Variants in FAAH2 observed in about 807,000 individuals in gnomAD.
FAAH2 encodes fatty acid amide hydrolase 2.
A neutral mutation model predicts 36.9 loss-of-function variants in FAAH2; 60 were observed. That is an observed-to-expected ratio of 1.63 (90% CI 1.32 to 2.02). The LOEUF (loss-of-function observed/expected upper bound fraction) is 2.02, where lower values mean the gene tolerates loss of function less well. FAAH2 is among the 30% of genes most tolerant of loss of function. The pLI, the probability that FAAH2 is intolerant of heterozygous loss-of-function variation, is 0.00. For synonymous variants in FAAH2, 214 were observed against 143.8 expected, an observed-to-expected ratio of 1.49 and a Z score of -3.49; for missense variants, 689 against 397.5, an observed-to-expected ratio of 1.73 and a Z score of -6.23.
intron 5 of FAAH2, among the ~76,000 whole-genome samples, chrX:57,352,163 C>A: frequency 1.2e-5 from 1 of 82,450 alleles, no homozygotes; most frequent in African/African-American, 4.9e-5. Flanking sequence ...TATATATACA[C>A]ATATATATAT....
intron 10 of FAAH2, among the ~76,000 whole-genome samples, chrX:57,469,905 G>A (rs1207822989): frequency 8.9e-6 from 1 of 111,885 alleles, no homozygotes; most frequent in Admixed American, 9.5e-5. Flanking sequence ...CTGTCTCTTA[G>A]ATCACAGTGC....
chrX:57,488,202 C>T (rs946408984), intron 10 of FAAH2, among the ~76,000 whole-genome samples: 7 of 111,125 alleles, frequency 6.3e-5, no homozygotes, highest in Non-Finnish European at 9.4e-5. Flanking sequence ...ACATTTGAAA[C>T]GGGGAATCTT....
At chrX:57,131,291 T>C in the FAAH2 span, among the ~76,000 whole-genome samples, 1 of 107,747 alleles carries the variant, frequency 9.3e-6, no homozygotes, top group East Asian at 2.9e-4. Flanking sequence ...TTCACCTTGT[T>C]AGCCAGGATG....
At chrX:57,475,246 G>A (rs759029378) in intron 10 of FAAH2, among the ~76,000 whole-genome samples, 32 of 111,865 alleles carry the variant, frequency 2.9e-4, no homozygotes, top group Middle Eastern at 4.6e-3. Context: ...TGCTCTTGGT[G>A]TTTTATTCAT....
At chrX:57,449,137 A>G (rs965212482) in intron 10 of FAAH2, among the ~76,000 whole-genome samples, 1 of 112,070 alleles carries the variant, frequency 8.9e-6, no homozygotes, top group Non-Finnish European at 1.9e-5. Context: ...TGACTTAGCT[A>G]TCATCCCCTT....
At chrX:57,419,958 G>C (rs527341467) in intron 7 of FAAH2, among the ~76,000 whole-genome samples, 1 of 111,718 alleles carries the variant, frequency 9.0e-6, no homozygotes, top group Non-Finnish European at 1.9e-5. Context: ...TTTCCCAGCA[G>C]CATTTATTAA....
At chrX:57,194,920 C>A in the FAAH2 span, among the ~76,000 whole-genome samples, 3 of 111,166 alleles carry the variant, frequency 2.7e-5, no homozygotes, top group African/African-American at 9.8e-5. Flanking sequence ...TATTTTATTT[C>A]TTTGTATAGC....
At chrX:57,349,787 G>T (rs1445307808) in intron 5 of FAAH2, among the ~76,000 whole-genome samples, 1 of 108,160 alleles carries the variant, frequency 9.2e-6, no homozygotes, top group Non-Finnish European at 1.9e-5. Flanking sequence ...GAATATGAAA[G>T]TTATTAATAT....
the FAAH2 span, among the ~76,000 whole-genome samples, chrX:57,243,456 G>T: frequency 3.6e-5 from 4 of 112,131 alleles, no homozygotes; most frequent in Non-Finnish European, 7.5e-5. Context: ...TGACTGTGAG[G>T]CACCTCTCAG....
intron 5 of FAAH2, among the ~76,000 whole-genome samples, chrX:57,348,779 A>T (rs1419714155): frequency 9.0e-6 from 1 of 110,907 alleles, no homozygotes; most frequent in Admixed American, 9.7e-5. Context: ...AAACACCTTC[A>T]GGAAAAAGTC....
At chrX:57,241,840 G>A in the FAAH2 span, among the ~76,000 whole-genome samples, 2 of 111,041 alleles carry the variant, frequency 1.8e-5, no homozygotes, top group African/African-American at 3.3e-5. Flanking sequence ...AATGGCCTCC[G>A]GAACTCACCA....
At chrX:57,352,030 ATATATACATATATATATGTG>A (rs1490765305) in intron 5 of FAAH2, among the ~76,000 whole-genome samples, 5,397 of 17,329 alleles carry the variant, frequency 0.31, 1,030 homozygotes, top group Non-Finnish European at 0.64. Context: ...GTATATATAT[ATATATACATATATATATGTG>A]TATATATATA....
the FAAH2 span, among the ~76,000 whole-genome samples, chrX:57,190,096 C>G: frequency 9.0e-6 from 1 of 110,985 alleles, no homozygotes; most frequent in African/African-American, 3.3e-5. Context: ...TCAGAGATAC[C>G]CTGCCCAGTG....
At position 57,441,590 on chromosome X, in the gene FAAH2, T is replaced by G. The variant is rs190275984; in HGVS notation, c.1117-5338T>G. On this transcript the variant is annotated intron_variant, in intron 8 of 10. Transcript: ENST00000374900. The stretch of plus-strand genomic sequence containing the variant: ...ACTGATTTTTTGAAGCGTTTTTTTT[T>G]TGTGTGTGTCTATCTCCTTCAGTTC... Among the ~76,000 whole-genome samples, 262 of 110,801 alleles carry G rather than the reference T, an allele frequency of 2.4e-3. 1 individual carries two copies. The highest frequency in any genetic ancestry group is 9.3e-3 in the Middle Eastern group (2 of 215).
the FAAH2 span, chrX:57,126,865 T>C: frequency 1.8e-5 from 2 of 111,738 alleles, no homozygotes; most frequent in Non-Finnish European, 1.9e-5. Flanking sequence ...CAGGAAATAA[T>C]GTTACCTTTT....
intron 3 of FAAH2, among the ~76,000 whole-genome samples, chrX:57,316,932 A>G (rs1162858805): frequency 1.8e-5 from 2 of 111,852 alleles, no homozygotes; most frequent in Non-Finnish European, 3.8e-5. Flanking sequence ...AAAATAAACC[A>G]TCAACAGAAT....
At chrX:57,372,141 A>G (rs764363989) in intron 5 of FAAH2, among the ~76,000 whole-genome samples, 5 of 111,512 alleles carry the variant, frequency 4.5e-5, no homozygotes, top group African/African-American at 1.6e-4. Flanking sequence ...AGAATGATTT[A>G]TATTCCATTG....
chrX:57,476,319 T>C, intron 10 of FAAH2, among the ~76,000 whole-genome samples: 1 of 111,125 alleles, frequency 9.0e-6, no homozygotes. Flanking sequence ...TTCAGTATGA[T>C]ATCGGCTATA....
intron 10 of FAAH2, among the ~76,000 whole-genome samples, chrX:57,480,195 T>G (rs1403498453): frequency 1.8e-5 from 2 of 111,571 alleles, no homozygotes; most frequent in African/African-American, 6.5e-5. Context: ...AGGGAGGAAC[T>G]GGTACCATTC....
Sources: allele counts gnomAD v4.1 joint callset (sites outside exome capture counted in the v4.1 genomes callset), GRCh38; gene constraint gnomAD v4.1.1; transcripts MANE v1.5; gene names NCBI Gene and HGNC (gene_info 2026-07-23, HGNC 2026-07-21).